The following RBM20 variants were observed in gnomAD, a reference collection of about 807,000 sequenced individuals.
RBM20 encodes the protein RNA-binding protein 20.
A neutral mutation model predicts 110.1 loss-of-function variants in RBM20; 51 were observed. That is an observed-to-expected ratio of 0.46 (90% CI 0.37 to 0.59). The LOEUF is 0.59. RBM20 is among the 20% of genes least tolerant of loss of function. The probability of loss-of-function intolerance (pLI) is 0.00; values close to 1 mark genes in which losing one functional copy is unlikely to be tolerated. For missense variants in RBM20, 1,512 were observed against 1,574.9 expected (o/e 0.96, Z 0.68); for synonymous variants, 589 against 618.2 (o/e 0.95, Z 0.70).
intron 9 of RBM20, among the ~76,000 whole-genome samples, chr10:110,818,661 T>C (rs1459195907): frequency 1.3e-5 from 2 of 152,380 alleles, no homozygotes; most frequent in African/African-American, 4.8e-5. Context: ...TGGAGGGCTT[T>C]CAGCCCGGCT....
At chr10:110,803,750 A>G (rs1314365836) in intron 7 of RBM20, among the ~76,000 whole-genome samples, 2 of 149,460 alleles carry the variant, frequency 1.3e-5, no homozygotes, top group African/African-American at 5.0e-5. Context: ...GTTGATATGA[A>G]TCAGCTGCCA....
chr10:110,830,464 G>A (rs1377250998), intron 12 of RBM20, among the ~76,000 whole-genome samples: 1 of 152,120 alleles, frequency 6.6e-6, no homozygotes, highest in Admixed American at 6.5e-5. Flanking sequence ...GAAAAAAAGA[G>A]GACAGAGAAT....
intron 1 of RBM20, among the ~76,000 whole-genome samples, chr10:110,677,147 A>G (rs1016723028): frequency 5.3e-5 from 8 of 152,138 alleles, no homozygotes; most frequent in South Asian, 2.1e-4. Flanking sequence ...AGGGTATCAC[A>G]TGGTGGAGGA....
intron 5 of RBM20, 48 bp downstream of exon 5, chr10:110,784,937 G>A: frequency 3.3e-6 from 4 of 1,207,738 alleles, no homozygotes; most frequent in Non-Finnish European, 4.8e-6. Flanking sequence ...ATGATTATTA[G>A]TTTATTTATT....
intron 1 of RBM20, among the ~76,000 whole-genome samples, chr10:110,748,340 G>T (rs1297862247): frequency 6.6e-6 from 1 of 152,192 alleles, no homozygotes; most frequent in African/African-American, 2.4e-5. Context: ...AAGCCAGTGA[G>T]CCCTGTGGGG....
chr10:110,792,086 A>G (rs1844490078), intron 5 of RBM20, among the ~76,000 whole-genome samples: 2 of 151,454 alleles, frequency 1.3e-5, no homozygotes, highest in South Asian at 2.1e-4. Flanking sequence ...TAATTTCACT[A>G]CTCCTTTATA....
At position 110,781,371 on chromosome 10, in the gene RBM20, G is replaced by A. The variant is rs1175327119; in HGVS notation, c.762G>A (p.Ser254=). Residue 254 remains serine, a synonymous_variant, in exon 2 of 14, where the codon TCG becomes TCA. Transcript: ENST00000369519. ...TDGQPGFLPS[S]ASTSGSVTYE... Reference sequence around the variant, plus strand: ...GTCAGCCTGGCTTCCTGCCATCCTCGGCCTCAACCTCGGGCAGTGTGACCT... The same window carrying A: ...GTCAGCCTGGCTTCCTGCCATCCTCAGCCTCAACCTCGGGCAGTGTGACCT... 21 of 1,551,688 alleles carry A rather than the reference G, an allele frequency of 1.4e-5. No homozygotes were observed. The highest frequency in any genetic ancestry group is 1.7e-4 in the Middle Eastern group (1 of 5,992).
rs532470167 is a variant in RBM20, at chr10:110,774,527, C to T, written c.192-6274C>T. 7.9e-5 allele frequency among the ~76,000 whole-genome samples: 12 copies of T among 151,710 alleles called. No individual in the cohort carries two copies. The South Asian group carries it at 1.0e-3, about 13-fold the overall frequency. Reference sequence around the variant, plus strand: ...TGGTATATGTTGATAGGCGTGTATCCGACCACAGCTACCTCCATCAGCCCT... The same window carrying T: ...TGGTATATGTTGATAGGCGTGTATCTGACCACAGCTACCTCCATCAGCCCT... On this transcript the variant is annotated intron_variant, in intron 1 of 13. Transcript: ENST00000369519.
At chr10:110,696,880 G>A (rs1016622587) in intron 1 of RBM20, among the ~76,000 whole-genome samples, 1 of 152,078 alleles carries the variant, frequency 6.6e-6, no homozygotes, top group African/African-American at 2.4e-5. Flanking sequence ...ATTCTCAAAT[G>A]TGTGCTCATC....
intron 1 of RBM20, among the ~76,000 whole-genome samples, chr10:110,652,865 T>C (rs945097262): frequency 1.3e-5 from 2 of 152,160 alleles, no homozygotes; most frequent in Admixed American, 6.5e-5. Flanking sequence ...CCTAAGAGGG[T>C]TGAGAAAAGC....
intron 1 of RBM20, among the ~76,000 whole-genome samples, chr10:110,768,226 GGGGAGAGGGAGAGGGAGGGAAAGGGAGA>G (rs1253973708): frequency 4.6e-4 from 68 of 148,354 alleles, no homozygotes; most frequent in African/African-American, 1.5e-3. Context: ...CGTGGAAAGA[GGGGAGAGGGAGAGGGAGGGAAAGGGAGA>G]GGGAGAGGGA....
intron 1 of RBM20, among the ~76,000 whole-genome samples, chr10:110,732,106 A>T (rs1015204263): frequency 2.6e-5 from 4 of 151,884 alleles, no homozygotes; most frequent in Non-Finnish European, 4.4e-5. Context: ...TGATAGTGAC[A>T]TTTTTCCCTC....
In RBM20 at chr10:110,657,711, CT is replaced by C. The variant is rs200477519; in HGVS notation, c.191+13069del. 9.4e-3 allele frequency among the ~76,000 whole-genome samples: 1,429 copies of C among 152,308 alleles called. 10 individuals are homozygous for C. The highest frequency in any genetic ancestry group is 0.016 in the Non-Finnish European group (1,085 of 68,028). ...CTGTTTTGTGGATATAGTGCAAACT[CT>C]TTATCCATCTGTTGATGGACATTTA... On this transcript the variant is annotated intron_variant, in intron 1 of 13. Coordinates refer to ENST00000369519, the MANE Select transcript of RBM20 (RefSeq NM_001134363.3).
intron 1 of RBM20, among the ~76,000 whole-genome samples, chr10:110,734,033 C>A (rs11195290): frequency 0.15 from 22,183 of 152,114 alleles, 2,160 homozygotes; most frequent in East Asian, 0.27. Context: ...TTGTAAAAAT[C>A]AAATCAACCC....
At chr10:110,665,076 T>C (rs528212658) in intron 1 of RBM20, among the ~76,000 whole-genome samples, 1 of 152,182 alleles carries the variant, frequency 6.6e-6, no homozygotes, top group East Asian at 1.9e-4. Flanking sequence ...AGGCTCTTCC[T>C]ATATTGCCCA....
chr10:110,660,807 T>C (rs958770965), intron 1 of RBM20, among the ~76,000 whole-genome samples: 5 of 152,238 alleles, frequency 3.3e-5, no homozygotes, highest in Non-Finnish European at 5.9e-5. Flanking sequence ...AATAATAAAG[T>C]ACACAATAAA....
chr10:110,805,191 A>C (rs1310366692), intron 7 of RBM20, among the ~76,000 whole-genome samples: 1 of 152,222 alleles, frequency 6.6e-6, no homozygotes, highest in Non-Finnish European at 1.5e-5. Context: ...TGAGTGCATA[A>C]GTACAGGAGC....
intron 1 of RBM20, among the ~76,000 whole-genome samples, chr10:110,735,664 G>C (rs942785749): frequency 2.6e-5 from 4 of 152,146 alleles, no homozygotes; most frequent in Non-Finnish European, 4.4e-5. Context: ...CTGGGTGAAA[G>C]GTATATTTGC....
intron 1 of RBM20, among the ~76,000 whole-genome samples, chr10:110,757,037 A>G (rs756398157): frequency 3.3e-5 from 5 of 152,228 alleles, no homozygotes; most frequent in East Asian, 1.9e-4. Context: ...ATTAGAGGAT[A>G]TACTGCCAAA....
Sources: allele counts gnomAD v4.1 joint callset (sites outside exome capture counted in the v4.1 genomes callset), GRCh38; gene constraint gnomAD v4.1.1; transcripts MANE v1.5; gene names NCBI Gene and HGNC (gene_info 2026-07-23, HGNC 2026-07-21).